Variants in ERICH3 observed in about 807,000 individuals in gnomAD.
ERICH3 encodes the protein glutamate-rich protein 3.
In ERICH3, 126 loss-of-function variants were observed where a neutral mutation model predicts 131.1. The observed-to-expected ratio is 0.96, with a 90% CI of 0.83 to 1.11. The LOEUF (loss-of-function observed/expected upper bound fraction) is 1.11. Ranked by LOEUF, ERICH3 falls within the 50% of genes most tolerant of loss-of-function variation. ERICH3 has a pLI of 0.00. For synonymous variants in ERICH3, 695 were observed against 644.6 expected, an observed-to-expected ratio of 1.08 and a Z score of -1.18; for missense variants, 2,050 against 1,810.7, an observed-to-expected ratio of 1.13 and a Z score of -2.40.
intron 7 of ERICH3, among the ~76,000 whole-genome samples, chr1:74,629,164 C>T (rs1649508343): frequency 6.7e-6 from 1 of 149,972 alleles, no homozygotes; most frequent in Non-Finnish European, 1.5e-5. Flanking sequence ...TCAGTGAGCA[C>T]AAAAGGAGTT....
intron 12 of ERICH3, among the ~76,000 whole-genome samples, chr1:74,582,187 T>G (rs1342952417): frequency 6.6e-6 from 1 of 152,196 alleles, no homozygotes; most frequent in African/African-American, 2.4e-5. Flanking sequence ...ACACCGGCTT[T>G]TTACTTCCTC....
At chr1:74,637,595 C>T (rs1646400757) in intron 5 of ERICH3, among the ~76,000 whole-genome samples, 1 of 152,088 alleles carries the variant, frequency 6.6e-6, no homozygotes, top group South Asian at 2.1e-4. Flanking sequence ...GCTTTTGGGG[C>T]ATTGAAAGAA....
At chr1:74,588,168 C>T (rs1647421119) in intron 12 of ERICH3, among the ~76,000 whole-genome samples, 1 of 152,200 alleles carries the variant, frequency 6.6e-6, no homozygotes, top group Non-Finnish European at 1.5e-5. Context: ...ACACCTTTAT[C>T]CTCCTGTATC....
intron 1 of ERICH3, among the ~76,000 whole-genome samples, chr1:74,662,170 T>C (rs1242918721): frequency 1.3e-5 from 2 of 152,132 alleles, no homozygotes; most frequent in Non-Finnish European, 2.9e-5. Context: ...CCCTGAAACA[T>C]CAGACTTTCC....
chr1:74,651,488 T>C (rs1405178892), intron 1 of ERICH3, among the ~76,000 whole-genome samples: 4 of 152,126 alleles, frequency 2.6e-5, no homozygotes, highest in South Asian at 2.1e-4. Context: ...TGGTGTCCTA[T>C]AGTTCATCAA....
At chr1:74,663,989 G>A (rs962601063) in intron 1 of ERICH3, among the ~76,000 whole-genome samples, 1 of 152,004 alleles carries the variant, frequency 6.6e-6, no homozygotes, top group Non-Finnish European at 1.5e-5. Flanking sequence ...GACAGGTATG[G>A]TCTCCACCCT....
intron 8 of ERICH3, among the ~76,000 whole-genome samples, chr1:74,619,861 T>C (rs1301103548): frequency 6.6e-6 from 1 of 152,258 alleles, no homozygotes; most frequent in Non-Finnish European, 1.5e-5. Context: ...GTTTTACATA[T>C]GTAATTCCTC....
chr1:74,627,112 A>G (rs995564712), intron 7 of ERICH3, among the ~76,000 whole-genome samples: 1 of 152,208 alleles, frequency 6.6e-6, no homozygotes, highest in Non-Finnish European at 1.5e-5. Flanking sequence ...TCAAGTATTA[A>G]TGTAAAATGT....
chr1:74,674,056 G>A (rs1457882993), upstream of ERICH3, among the ~76,000 whole-genome samples: 1 of 152,210 alleles, frequency 6.6e-6, no homozygotes, highest in Non-Finnish European at 1.5e-5. Flanking sequence ...CAGCTACTGC[G>A]TGATGCGGTG....
At position 74,662,672 on chromosome 1, in the gene ERICH3, A is replaced by AG. The variant is rs1557705005; in HGVS notation, c.23+10824dup. Among the ~76,000 whole-genome samples, 3 of 152,282 alleles carry AG rather than the reference A, an allele frequency of 2.0e-5. No individual in the cohort carries two copies. In the South Asian group the frequency reaches 6.2e-4, roughly 32 times the overall value. The stretch of plus-strand genomic sequence containing the variant: ...GAACTTAAAAACAAAAGTTAATTAG[A>AG]GGCATTAACTTCTCCTTACAGGCCA... On this transcript the variant is annotated intron_variant, in intron 1 of 14. Coordinates refer to ENST00000326665, the MANE Select transcript of ERICH3 (RefSeq NM_001002912.5).
At chr1:74,588,037 G>C (rs1647415056) in intron 12 of ERICH3, among the ~76,000 whole-genome samples, 1 of 152,118 alleles carries the variant, frequency 6.6e-6, no homozygotes, top group Non-Finnish European at 1.5e-5. Flanking sequence ...AGGCTATTTA[G>C]AAAACAAGAC....
chr1:74,606,378 T>C (rs1648392785), intron 10 of ERICH3, among the ~76,000 whole-genome samples: 1 of 151,934 alleles, frequency 6.6e-6, no homozygotes, highest in Admixed American at 6.6e-5. Flanking sequence ...TCCTCATCTC[T>C]GCAGCCAGAA....
chr1:74,571,909 CACG>C lies in ERICH3; in HGVS notation c.3798_3800del (p.Val1267del), dbSNP rs1382862494. On this transcript the variant is annotated inframe_deletion, in exon 14 of 15. Transcript: ENST00000326665. ...CAGCAACAGCTTCCTGGGTCCTTAG[CACG>C]ACATCCACTCCTCCTTGCCCTTCAG... is the stretch of plus-strand genomic sequence containing the variant. The C allele has an allele frequency of 1.2e-5, 19 of 1,612,422 alleles. No individual in the cohort carries two copies. The highest frequency in any genetic ancestry group is 1.6e-5 in the Non-Finnish European group (19 of 1,180,040).
intron 3 of ERICH3, among the ~76,000 whole-genome samples, chr1:74,644,244 TC>T (rs1484852263): frequency 2.0e-5 from 3 of 151,988 alleles, no homozygotes; most frequent in African/African-American, 7.2e-5. Context: ...TCCTCTGATC[TC>T]CTACCCACTT....
At chr1:74,622,249 GA>G (rs943658479) in intron 7 of ERICH3, 55 of 152,326 alleles carry the variant, frequency 3.6e-4, no homozygotes, top group African/African-American at 9.6e-4. Flanking sequence ...AAATGAGGGA[GA>G]AAGTCCAAGA....
chr1:74,586,810 TAA>T (rs1181409133), intron 12 of ERICH3, among the ~76,000 whole-genome samples: 4 of 152,248 alleles, frequency 2.6e-5, no homozygotes, highest in East Asian at 1.9e-4. Context: ...GTTATAATGT[TAA>T]GATATAAAGC....
At chr1:74,658,954 C>T (rs777314508) in intron 1 of ERICH3, among the ~76,000 whole-genome samples, 5 of 152,192 alleles carry the variant, frequency 3.3e-5, no homozygotes, top group Non-Finnish European at 7.3e-5. Context: ...GTGCATGACA[C>T]TCTTAGTTGC....
In ERICH3 at chr1:74,646,692, A is replaced by G; in HGVS notation, c.218T>C (p.Ile73Thr). 1 of 1,430,732 alleles carries G rather than the reference A, an allele frequency of 7.0e-7. No individual in the cohort carries two copies. The highest frequency in any genetic ancestry group is 9.4e-7 in the Non-Finnish European group (1 of 1,058,320). 88.6% of individuals were successfully genotyped at this position (1,430,732 alleles called of 1,614,324 possible). The change falls in exon 3 of 15, where the codon ATT becomes ACT. Residue 73 changes from isoleucine to threonine, a missense_variant. Ile to Thr is a moderately conservative substitution (Grantham distance 89). Coordinates refer to ENST00000326665, the MANE Select transcript of ERICH3 (RefSeq NM_001002912.5). ...KYIRECLAQAIFHKVLDMERY... is the reference protein window; with the variant it reads ...KYIRECLAQATFHKVLDMERY... ...CTCCATATCAAGAACTTTATGAAAA[A>G]TTGCCTGGGCTAAGCATTCCCGGAT...
rs1249020112 is a variant in ERICH3, at chr1:74,636,419, G to A, written c.464C>T (p.Thr155Ile). 1.2e-6 allele frequency: 2 copies of A among 1,611,188 alleles called. No homozygotes were observed. The highest frequency in any genetic ancestry group is 1.7e-6 in the Non-Finnish European group (2 of 1,178,308). Residue 155 changes from threonine (T) to isoleucine (I), a missense_variant, in exon 6 of 15, where the codon ACT (threonine) becomes ATT (isoleucine). By Grantham distance (89) the Thr-to-Ile change is moderately conservative. Transcript: ENST00000326665. Reference sequence around the variant, plus strand: ...TGGAGGCTGCATATTTCCTGGAGCAGTATATGGTCGAGGGGCTGTCTAGAC... The same window carrying A: ...TGGAGGCTGCATATTTCCTGGAGCAATATATGGTCGAGGGGCTGTCTAGAC... Reference protein sequence around the residue: ...PLALTAPRPYTAPGNMQPPIR... With the variant: ...PLALTAPRPYIAPGNMQPPIR...
Sources: allele counts gnomAD v4.1 joint callset (sites outside exome capture counted in the v4.1 genomes callset), GRCh38; gene constraint gnomAD v4.1.1; transcripts MANE v1.5; gene names NCBI Gene and HGNC (gene_info 2026-07-23, HGNC 2026-07-21).